IRGQ: variants seen among roughly 807,000 people sequenced by gnomAD.
IRGQ encodes immunity related GTPase Q.
Under a neutral mutation model 10.5 loss-of-function variants are expected in IRGQ, and 5 were observed. The ratio of observed to expected loss-of-function variants is 0.48; its 90% confidence interval spans 0.25 to 1.00. The LOEUF (loss-of-function observed/expected upper bound fraction) is 1.00, where lower values mean the gene tolerates loss of function less well. IRGQ is among the 50% of genes least tolerant of loss of function. The pLI, the probability that IRGQ is intolerant of heterozygous loss-of-function variation, is 0.16. For missense variants in IRGQ, 792 were observed against 877.7 expected (o/e 0.90, Z 1.23); for synonymous variants, 418 against 426.0 (o/e 0.98, Z 0.23).
rs1225306211 is a variant in IRGQ, at chr19:43,591,840, G to C, written c.*186C>G. The C allele has an allele frequency of 1.8e-5, 10 of 551,638 alleles. No homozygotes were observed. Among genetic ancestry groups the C allele is most frequent in the Non-Finnish European group, 2.3e-5 (8 of 343,544 alleles). 34.2% of individuals were successfully genotyped at this position (551,638 alleles called of 1,614,324 possible). On this transcript the variant is annotated 3_prime_UTR_variant, in exon 3 of 3. Coordinates refer to ENST00000422989, the MANE Select transcript of IRGQ (RefSeq NM_001007561.3). ...TCCAGCCTGGGCAACAAGAGACTTC[G>C]TCTCACAAAAAAAAGAAAAAAAAAA...
Position 43,592,722 on chromosome 19 carries a change from C to G in IRGQ, c.1176G>C (p.Glu392Asp), listed in dbSNP as rs1056089632. 3.7e-6 allele frequency: 6 copies of G among 1,610,812 alleles called. No individual in the cohort carries two copies. In the Admixed American group the frequency reaches 5.0e-5, roughly 13 times the overall value. Reference sequence around the variant, plus strand: ...TCATGCCGACAACCTGCTGCAAACCCTCGCTGCCAGCTTTCCCAGGACCTT... The same window carrying G: ...TCATGCCGACAACCTGCTGCAAACCGTCGCTGCCAGCTTTCCCAGGACCTT... Reference protein sequence around the residue: ...SGEGPGKAGSEGLQQVVGMKK... With the variant: ...SGEGPGKAGSDGLQQVVGMKK... The change falls in exon 3 of 3, where the codon GAG becomes GAC. Residue 392 changes from glutamate (E) to aspartate (D), a missense_variant. Glu to Asp is a conservative substitution (Grantham distance 45). Coordinates refer to ENST00000422989, the MANE Select transcript of IRGQ (RefSeq NM_001007561.3).
rs1231835187 is a variant in IRGQ, at chr19:43,593,358, T to C, written c.540A>G (p.Pro180=). 3 of 1,512,684 alleles carry C rather than the reference T, an allele frequency of 2.0e-6. No individual in the cohort carries two copies. The highest frequency in any genetic ancestry group is 2.3e-5 in the East Asian group (1 of 43,762). 93.7% of individuals were successfully genotyped at this position (1,512,684 alleles called of 1,614,324 possible). ...SQAEALRRLL[P]PAQDGFEVLG... ...ACACCTCGAAGCCATCCTGCGCCGGTGGCAGGAGCCTGTGGGGACAAGAAG... is the reference window on the plus strand; with the variant it reads ...ACACCTCGAAGCCATCCTGCGCCGGCGGCAGGAGCCTGTGGGGACAAGAAG... The change falls in exon 3 of 3, where the codon CCA becomes CCG. Residue 180 remains proline (P), a synonymous_variant. Transcript: ENST00000422989. This position sits in a 1 kb window ranked among gnomAD's most constrained non-coding sequence, Gnocchi z 6.4.
Position 43,593,334 on chromosome 19 carries a change from C to T in IRGQ, c.564G>A (p.Val188=), listed in dbSNP as rs145005666. 4.6e-6 allele frequency: 7 copies of T among 1,530,174 alleles called. No individual in the cohort carries two copies. Among genetic ancestry groups the T allele is most frequent in the Middle Eastern group, 1.8e-4 (1 of 5,660 alleles). 94.8% of individuals were successfully genotyped at this position (1,530,174 alleles called of 1,614,324 possible). The change falls in exon 3 of 3, where the codon GTG becomes GTA. Residue 188 remains valine (V), a synonymous_variant. Coordinates refer to ENST00000422989, the MANE Select transcript of IRGQ (RefSeq NM_001007561.3). The surrounding 1 kb of genome is among the most constrained non-coding windows in gnomAD (Gnocchi z 6.4). ...LLPPAQDGFE[V]LGAAELEAVR... is the part of the protein sequence containing the mutation. ...CAGCCTCTAGCTCTGCTGCACCCAA[C>T]ACCTCGAAGCCATCCTGCGCCGGTG...
In IRGQ at chr19:43,594,998, C is replaced by A. The variant is rs142655045; in HGVS notation, c.341G>T (p.Arg114Leu). The part of the protein sequence containing the change: ...LARGTPLLAV[R>L]NLRPGDSQTA... ...CTGTGAATCCCCAGGACGGAGGTTC[C>A]GCACAGCCAGTAGCGGGGTCCCTCG... Residue 114 changes from arginine to leucine, a missense_variant, in exon 2 of 3, where the codon CGG becomes CTG. Physicochemically the swap from Arg to Leu is moderately radical, Grantham distance 102. Transcript: ENST00000422989. The A allele has an allele frequency of 1.2e-5, 19 of 1,613,638 alleles. No homozygotes were observed. The African/African-American group carries it at 2.0e-4, about 17-fold the overall frequency.
At position 43,591,671 on chromosome 19, in the gene IRGQ, A is replaced by T. The variant is rs1375664161; in HGVS notation, c.*355T>A. 1.7e-5 allele frequency: 3 copies of T among 176,146 alleles called. No individual in the cohort carries two copies. The highest frequency in any genetic ancestry group is 7.1e-5 in the African/African-American group (3 of 42,328). 10.9% of individuals were successfully genotyped at this position (176,146 alleles called of 1,614,324 possible). Reference sequence around the variant, plus strand: ...GAGGCCAGCCTGGCCAACATGGTGAAACCCCGTCTCTACTAAAAATACAAA... The same window carrying T: ...GAGGCCAGCCTGGCCAACATGGTGATACCCCGTCTCTACTAAAAATACAAA... On this transcript the variant is annotated 3_prime_UTR_variant, in exon 3 of 3. Transcript: ENST00000422989.
rs1197138351 is a variant in IRGQ at position 43,595,084 on chromosome 19, G to A, written c.255C>T (p.Pro85=). Residue 85 remains proline (P), a synonymous_variant, in exon 2 of 3, where the codon CCC becomes CCT. Coordinates refer to ENST00000422989, the MANE Select transcript of IRGQ (RefSeq NM_001007561.3). ...GAGCCAACGGTTCCCCGTTCCCCTC[G>A]GGTCCGGGCAGCACCAGTACCAGCA... ...ANVLVLVLPG[P]EGNGEPLAPA... is the part of the protein sequence containing the mutation. 6.2e-7 allele frequency: 1 copy of A among 1,611,390 alleles called. No individual in the cohort carries two copies. Among genetic ancestry groups the A allele is most frequent in the Non-Finnish European group, 8.5e-7 (1 of 1,178,996 alleles).
Position 43,595,187 on chromosome 19 carries a change from G to A in IRGQ, c.152C>T (p.Ala51Val), listed in dbSNP as rs1171761430. The A allele has an allele frequency of 3.7e-6, 6 of 1,611,704 alleles. No homozygotes were observed. The highest frequency in any genetic ancestry group is 4.5e-5 in the East Asian group (2 of 44,848). ...GCCCAGAAAAAGGCCTGGGCCCGCAGCTCTTAGGCTGGGAACCCCGGAGTC... is the reference window on the plus strand; with the variant it reads ...GCCCAGAAAAAGGCCTGGGCCCGCAACTCTTAGGCTGGGAACCCCGGAGTC... ...RPDSGVPSLR[A>V]AGPGLFLGEL... Residue 51 changes from alanine (A) to valine (V), a missense_variant, in exon 2 of 3, where the codon GCT becomes GTT. Physicochemically the swap from Ala to Val is moderately conservative, Grantham distance 64. Transcript: ENST00000422989.
Position 43,592,511 on chromosome 19 carries a change from G to A in IRGQ, c.1387C>T (p.Pro463Ser). ...CGGGCAGCGCTGGGAGATGCTGGTG[G>A]CAACGCCAGCAGCAGTGCCCCTGCC... The part of the protein sequence containing the change: ...AQAGALLLAL[P>S]PASPSAARTK... Residue 463 changes from proline (P) to serine (S), a missense_variant, in exon 3 of 3, where the codon CCA becomes TCA. Physicochemically the swap from Pro to Ser is moderately conservative, Grantham distance 74 (BLOSUM62 -1). Coordinates refer to ENST00000422989, the MANE Select transcript of IRGQ (RefSeq NM_001007561.3). The A allele has an allele frequency of 6.3e-7, 1 of 1,595,462 alleles. No homozygotes were observed. The highest frequency in any genetic ancestry group is 8.5e-7 in the Non-Finnish European group (1 of 1,178,350).
At position 43,593,494 on chromosome 19, in the gene IRGQ, G is replaced by GAGAAATGTAGCGCTGGAT; in HGVS notation, c.531-128_531-127insATCCAGCGCTACATTTCT. On this transcript the variant is annotated intron_variant, in intron 2 of 2. Transcript: ENST00000422989. The surrounding 1 kb of genome is among the most constrained non-coding windows in gnomAD (Gnocchi z 6.4). ...TGGGGCAGGGGTAGGAAAGGGAAGG[G>GAGAAATGTAGCGCTGGAT]CCAGACTGATGGCACAGCAAATAGA... The GAGAAATGTAGCGCTGGAT allele has an allele frequency of 1.1e-6, 1 of 929,272 alleles. No homozygotes were observed. 57.6% of individuals were successfully genotyped at this position (929,272 alleles called of 1,614,324 possible).
In IRGQ at chr19:43,591,933, T is replaced by C. The variant is rs886648111; in HGVS notation, c.*93A>G. ...GTGATAAGAAGTCACACATCCCAGC[T>C]GGAAGTCAAGAGTCCACATCCCCTT... On this transcript the variant is annotated 3_prime_UTR_variant, in exon 3 of 3. Coordinates refer to ENST00000422989, the MANE Select transcript of IRGQ (RefSeq NM_001007561.3). 11 of 1,269,296 alleles carry C rather than the reference T, an allele frequency of 8.7e-6. No individual in the cohort carries two copies. Among genetic ancestry groups the C allele is most frequent in the East Asian group, 7.2e-5 (3 of 41,554 alleles). The allele number at this position is 1,269,296 out of a possible 1,614,324, so 78.6% of individuals were successfully genotyped here.
In IRGQ at chr19:43,593,085, A is replaced by G. The variant is rs768146761; in HGVS notation, c.813T>C (p.Asn271=). Residue 271 remains asparagine (N), a synonymous_variant, in exon 3 of 3, where the codon AAT becomes AAC. Coordinates refer to ENST00000422989, the MANE Select transcript of IRGQ (RefSeq NM_001007561.3). The surrounding 1 kb of genome is among the most constrained non-coding windows in gnomAD (Gnocchi z 6.4). ...CCAGAGGCACGGTCCAGAGCACCAC[A>G]TTCGGGCGCTCTGGGGCTGGGAAGG... ...PTPFPAPERP[N]VVLWTVPLGH... 1 of 1,591,324 alleles carries G rather than the reference A, an allele frequency of 6.3e-7. No individual in the cohort carries two copies. The highest frequency in any genetic ancestry group is 2.3e-5 in the East Asian group (1 of 44,336).
intron 2 of IRGQ, 151 bp downstream of exon 2, chr19:43,594,658 A>C (rs1407344679): frequency 5.3e-6 from 3 of 568,318 alleles, no homozygotes; most frequent in Non-Finnish European, 8.6e-6. Context: ...ACATAGCGAG[A>C]CCCTGTCTCT....
At position 43,593,070 on chromosome 19, in the gene IRGQ, G is replaced by T; in HGVS notation, c.828C>A (p.Thr276=). 1 of 1,597,038 alleles carries T rather than the reference G, an allele frequency of 6.3e-7. No individual in the cohort carries two copies. The highest frequency in any genetic ancestry group is 8.6e-7 in the Non-Finnish European group (1 of 1,168,298). Reference sequence around the variant, plus strand: ...CAGTGCCCGTGTGGCCCAGAGGCACGGTCCAGAGCACCACATTCGGGCGCT... The same window carrying T: ...CAGTGCCCGTGTGGCCCAGAGGCACTGTCCAGAGCACCACATTCGGGCGCT... ...APERPNVVLW[T]VPLGHTGTAT... is the part of the protein sequence containing the mutation. The change falls in exon 3 of 3, where the codon ACC becomes ACA. Residue 276 remains threonine, a synonymous_variant. Coordinates refer to ENST00000422989, the MANE Select transcript of IRGQ (RefSeq NM_001007561.3). This position sits in a 1 kb window ranked among gnomAD's most constrained non-coding sequence, Gnocchi z 6.4.
chr19:43,594,475 G>C (rs1237682222), intron 2 of IRGQ, among the ~76,000 whole-genome samples: 1 of 152,038 alleles, frequency 6.6e-6, no homozygotes, highest in Non-Finnish European at 1.5e-5. Context: ...CCAGGAGGTG[G>C]AGGCCGTCAG....
At chr19:43,594,547 A>C (rs1376219992) in intron 2 of IRGQ, among the ~76,000 whole-genome samples, 4 of 151,988 alleles carry the variant, frequency 2.6e-5, no homozygotes, top group Non-Finnish European at 5.9e-5. Flanking sequence ...TGTCTCAAAA[A>C]AAAAGGCCGG....
In IRGQ at chr19:43,590,745, T is replaced by C. The variant is rs1355281385; in HGVS notation, c.*1281A>G. 1 of 152,120 alleles carries C rather than the reference T, an allele frequency of 6.6e-6. No homozygotes were observed. The highest frequency in any genetic ancestry group is 1.5e-5 in the Non-Finnish European group (1 of 68,030). The allele number at this position is 152,120 out of a possible 1,614,324, so 9.4% of individuals were successfully genotyped here. ...AAAAAGGCCAAAAAAAGATAGAAAC[T>C]CCTAAAGAAAAGAGACAGAGAAACA... On this transcript the variant is annotated 3_prime_UTR_variant, in exon 3 of 3. Transcript: ENST00000422989.
intron 2 of IRGQ, 27 bp downstream of exon 2, chr19:43,594,782 G>T (rs1246588246): frequency 4.5e-6 from 7 of 1,572,242 alleles, no homozygotes; most frequent in South Asian, 1.2e-5. Flanking sequence ...CTCGACTAAC[G>T]GACCCAGCCA....
intron 1 of IRGQ, among the ~76,000 whole-genome samples, chr19:43,595,677 A>G (rs1315635366): frequency 6.6e-6 from 1 of 152,116 alleles, no homozygotes; most frequent in East Asian, 1.9e-4. Context: ...CAGCCTGGCC[A>G]ACATGTGGGG....
At position 43,595,323 on chromosome 19, in the gene IRGQ, C is replaced by T; in HGVS notation, c.16G>A (p.Gly6Ser). 6.4e-7 allele frequency: 1 copy of T among 1,556,914 alleles called. No homozygotes were observed. The highest frequency in any genetic ancestry group is 8.7e-7 in the Non-Finnish European group (1 of 1,153,200). MPPPQ[G>S]DVTALFLGPP... ...CCCAGGAACAAGGCGGTCACGTCAC[C>T]CTGCGGCGGAGGCATGGCTGGAAAG... Residue 6 changes from glycine to serine, a missense_variant, in exon 2 of 3, where the codon GGT becomes AGT. By Grantham distance (56) the Gly-to-Ser change is moderately conservative. Transcript: ENST00000422989.
Sources: allele counts gnomAD v4.1 joint callset (sites outside exome capture counted in the v4.1 genomes callset), GRCh38; gene constraint gnomAD v4.1.1; non-coding constraint Gnocchi (gnomAD v3.1); transcripts MANE v1.5; gene names NCBI Gene and HGNC (gene_info 2026-07-23, HGNC 2026-07-21).